The following ZBBX variants were observed in gnomAD, a reference collection of about 807,000 sequenced individuals.
ZBBX encodes zinc finger B-box domain containing, also known as zinc finger B-box domain-containing protein 1.
In ZBBX, 101 loss-of-function variants were observed where a neutral mutation model predicts 108.5. That is an observed-to-expected ratio of 0.93 (90% CI 0.79 to 1.10). The LOEUF is 1.10. Ranked by LOEUF, ZBBX falls within the 50% of genes least tolerant of loss-of-function variation. The probability of loss-of-function intolerance (pLI) is 0.00; values close to 1 mark genes in which losing one functional copy is unlikely to be tolerated. For synonymous variants in ZBBX, 356 were observed against 323.4 expected (o/e 1.10, Z -1.08); for missense variants, 1,009 against 941.4 (o/e 1.07, Z -0.94).
chr3:167,297,213 G>A (rs190838533), intron 18 of ZBBX, among the ~76,000 whole-genome samples: 1 of 151,896 alleles, frequency 6.6e-6, no homozygotes, highest in Non-Finnish European at 1.5e-5. Context: ...ATTTTTTTGT[G>A]TGTGTGGTGA....
intron 20 of ZBBX, among the ~76,000 whole-genome samples, chr3:167,263,772 T>G (rs1306777816): frequency 1.3e-5 from 2 of 152,246 alleles, no homozygotes; most frequent in Non-Finnish European, 2.9e-5. Flanking sequence ...GTTTCTTCAT[T>G]GATTTTCTGT....
intron 8 of ZBBX, among the ~76,000 whole-genome samples, chr3:167,355,610 A>AAT (rs1468740715): frequency 6.6e-6 from 1 of 151,658 alleles, no homozygotes; most frequent in Admixed American, 6.6e-5. Context: ...GTGGCTTTCA[A>AAT]ATATATATAT....
intron 15 of ZBBX, among the ~76,000 whole-genome samples, chr3:167,315,540 T>C (rs1217137360): frequency 6.6e-6 from 1 of 152,166 alleles, no homozygotes; most frequent in Non-Finnish European, 1.5e-5. Flanking sequence ...TACAAACCTA[T>C]CACTATAGAC....
intron 10 of ZBBX, among the ~76,000 whole-genome samples, chr3:167,333,116 T>C (rs1490922495): frequency 6.6e-6 from 1 of 151,982 alleles, no homozygotes; most frequent in African/African-American, 2.4e-5. Context: ...ACACATTTTC[T>C]TTTATGTCTA....
At chr3:167,185,543 T>C in the ZBBX span, among the ~76,000 whole-genome samples, 1 of 152,086 alleles carries the variant, frequency 6.6e-6, no homozygotes, top group African/African-American at 2.4e-5. Flanking sequence ...AAAATGAAAA[T>C]AGAAAAGAGG....
intron 8 of ZBBX, among the ~76,000 whole-genome samples, chr3:167,357,863 C>T (rs1388968248): frequency 6.6e-6 from 1 of 152,042 alleles, no homozygotes; most frequent in African/African-American, 2.4e-5. Context: ...ATGATGAGTT[C>T]ATGTCCTTTG....
intron 9 of ZBBX, among the ~76,000 whole-genome samples, chr3:167,348,197 AGAAG>A (rs1325830045): frequency 3.9e-5 from 4 of 101,782 alleles, no homozygotes; most frequent in Non-Finnish European, 5.8e-5. Context: ...GAAAGATGAA[AGAAG>A]GAAGGAAGGA....
intron 9 of ZBBX, among the ~76,000 whole-genome samples, chr3:167,334,345 G>A (rs1739192187): frequency 6.6e-6 from 1 of 152,120 alleles, no homozygotes; most frequent in Admixed American, 6.6e-5. Context: ...GGCTGAGGCT[G>A]GCAGATCATT....
the ZBBX span, among the ~76,000 whole-genome samples, chr3:167,185,660 G>A: frequency 6.6e-6 from 1 of 152,020 alleles, no homozygotes; most frequent in Non-Finnish European, 1.5e-5. Context: ...TGCAGTTCTA[G>A]CATTCTTTAA....
In ZBBX at chr3:167,240,738, C is replaced by T. The variant is rs772612563; in HGVS notation, c.*55G>A. 47 of 1,576,676 alleles carry T rather than the reference C, an allele frequency of 3.0e-5. No homozygotes were observed. Among genetic ancestry groups the T allele is most frequent in the Non-Finnish European group, 3.9e-5 (45 of 1,160,942 alleles). ...TAGGTAATCACTTGGTTACTTTTCT[C>T]AGTTGTTTGCTTTACTCTGGGTACA... On this transcript the variant is annotated 3_prime_UTR_variant, in exon 22 of 22. Coordinates refer to ENST00000675490, the MANE Select transcript of ZBBX (RefSeq NM_001199201.2).
downstream of ZBBX, among the ~76,000 whole-genome samples, chr3:167,236,228 A>G (rs997468878): frequency 1.8e-4 from 27 of 151,898 alleles, no homozygotes; most frequent in Admixed American, 1.6e-3. Flanking sequence ...AGCTTTTAAC[A>G]TAAACACTGG....
chr3:167,200,873 G>A, the ZBBX span, among the ~76,000 whole-genome samples: 1 of 152,114 alleles, frequency 6.6e-6, no homozygotes, highest in African/African-American at 2.4e-5. Context: ...CATTTGGAAG[G>A]CTCAGGTCAG....
At chr3:167,202,462 C>G in the ZBBX span, among the ~76,000 whole-genome samples, 6 of 150,588 alleles carry the variant, frequency 4.0e-5, no homozygotes, top group Admixed American at 3.4e-4. Flanking sequence ...AAGTAATGGT[C>G]TATGAAATTC....
At chr3:167,224,376 A>G in the ZBBX span, among the ~76,000 whole-genome samples, 1 of 151,978 alleles carries the variant, frequency 6.6e-6, no homozygotes, top group Non-Finnish European at 1.5e-5. Context: ...GAATAAGTTT[A>G]GGAAATCTCT....
intron 1 of ZBBX, among the ~76,000 whole-genome samples, chr3:167,400,981 T>C (rs1354767500): frequency 3.9e-5 from 6 of 152,152 alleles, no homozygotes; most frequent in African/African-American, 1.2e-4. Context: ...CAGCTTGACT[T>C]TTCCCTTTAG....
intron 20 of ZBBX, among the ~76,000 whole-genome samples, chr3:167,267,469 A>T (rs902483629): frequency 1.3e-5 from 2 of 152,238 alleles, no homozygotes; most frequent in African/African-American, 4.8e-5. Flanking sequence ...AAGGATAAAG[A>T]TAGCAATAAA....
chr3:167,348,886 A>G (rs1186782640), intron 9 of ZBBX, among the ~76,000 whole-genome samples: 1 of 152,138 alleles, frequency 6.6e-6, no homozygotes, highest in Non-Finnish European at 1.5e-5. Flanking sequence ...AATAATATTA[A>G]CAAAACAAAA....
intron 1 of ZBBX, among the ~76,000 whole-genome samples, chr3:167,395,646 C>A (rs1560216341): frequency 6.6e-6 from 1 of 151,986 alleles, no homozygotes; most frequent in African/African-American, 2.4e-5. Flanking sequence ...TGGAAAATCA[C>A]AATAACCTTG....
At chr3:167,237,308 G>A (rs931356275), downstream of ZBBX, among the ~76,000 whole-genome samples, 2 of 151,844 alleles carry the variant, frequency 1.3e-5, no homozygotes, top group Non-Finnish European at 1.5e-5. Flanking sequence ...TTTGTCTGCA[G>A]CATGTGCATG....
Sources: gnomAD v4.1 joint callset for allele counts (sites outside exome capture counted in the v4.1 genomes callset) on GRCh38, gnomAD v4.1.1 for gene constraint, MANE v1.5 for transcripts, NCBI Gene and HGNC (gene_info 2026-07-23, HGNC 2026-07-21) for gene names.